ABCC9: variants seen among roughly 807,000 people sequenced by gnomAD.
ABCC9 encodes ATP-binding cassette sub-family C member 9.
A neutral mutation model predicts 188.3 loss-of-function variants in ABCC9; 95 were observed. That is an observed-to-expected ratio of 0.50 (90% CI 0.43 to 0.60). The LOEUF (loss-of-function observed/expected upper bound fraction) is 0.60, where lower values mean the gene tolerates loss of function less well. ABCC9 is among the 20% of genes least tolerant of loss of function. The pLI is 0.00. For missense variants in ABCC9, 1,102 were observed against 1,876.3 expected (o/e 0.59, Z 7.62); for synonymous variants, 659 against 652.7 (o/e 1.01, Z -0.15).
chr12:21,913,350 C>T (rs1196868211), intron 7 of ABCC9, among the ~76,000 whole-genome samples: 1 of 152,112 alleles, frequency 6.6e-6, no homozygotes, highest in Non-Finnish European at 1.5e-5. Flanking sequence ...CAAAGGATGA[C>T]ACAGGATTCT....
chr12:21,875,536 G>T (rs1946298055), intron 17 of ABCC9, 118 bp downstream of exon 17: 7 of 753,320 alleles, frequency 9.3e-6, no homozygotes, highest in Non-Finnish European at 1.6e-5. Flanking sequence ...GTGCAAATAG[G>T]TAATCATAAA....
At chr12:21,892,065 G>A (rs559077330) in intron 14 of ABCC9, among the ~76,000 whole-genome samples, 2 of 152,290 alleles carry the variant, frequency 1.3e-5, no homozygotes, top group South Asian at 4.1e-4. Context: ...ATTCTGTTTG[G>A]CCTATGGCTT....
At chr12:21,831,377 A>G (rs1943751533) in intron 30 of ABCC9, among the ~76,000 whole-genome samples, 1 of 152,074 alleles carries the variant, frequency 6.6e-6, no homozygotes, top group Admixed American at 6.6e-5. Flanking sequence ...GCATTTAGCA[A>G]TCATCCACTC....
chr12:21,802,276 TACAA>T (rs775296259), intron 39 of ABCC9, among the ~76,000 whole-genome samples: 21 of 152,214 alleles, frequency 1.4e-4, no homozygotes, highest in Non-Finnish European at 2.1e-4. Flanking sequence ...GTCTGACATA[TACAA>T]ACAAATAATA....
At chr12:21,841,022 T>C (rs1944355905) in intron 29 of ABCC9, among the ~76,000 whole-genome samples, 1 of 152,256 alleles carries the variant, frequency 6.6e-6, no homozygotes. Context: ...GTATTAGGAT[T>C]ACTTTGTATA....
chr12:21,936,344 C>T (rs1949485955), intron 3 of ABCC9, among the ~76,000 whole-genome samples, 189 bp downstream of exon 3: 1 of 152,064 alleles, frequency 6.6e-6, no homozygotes, highest in African/African-American at 2.4e-5. Context: ...AGCATGTGAC[C>T]TCAATTTCAC....
Position 21,801,015 on chromosome 12 carries a change from A to C in ABCC9, c.*29T>G. The C allele has an allele frequency of 6.2e-7, 1 of 1,613,040 alleles. No homozygotes were observed. ...AATTAGGTTATGACTGCATTATTTT[A>C]AATACATGTATTGTTTTAAGACACT... On this transcript the variant is annotated 3_prime_UTR_variant, in exon 40 of 40. Transcript: ENST00000261200.
chr12:21,828,837 C>A, intron 31 of ABCC9, 121 bp downstream of exon 31: 1 of 821,414 alleles, frequency 1.2e-6, no homozygotes. Flanking sequence ...ATTTTAAAGT[C>A]CAGAAAATGT....
At chr12:21,907,991 T>C in intron 11 of ABCC9, 86 bp downstream of exon 11, 1 of 1,374,852 alleles carries the variant, frequency 7.3e-7, no homozygotes, top group Non-Finnish European at 1.0e-6. Flanking sequence ...AAATTATCTT[T>C]AGTGGTATGT....
At chr12:21,858,732 A>G (rs570435947) in intron 22 of ABCC9, among the ~76,000 whole-genome samples, 10 of 152,302 alleles carry the variant, frequency 6.6e-5, no homozygotes, top group African/African-American at 2.4e-4. Context: ...ATCCCCAATG[A>G]CAGATCCAAA....
intron 39 of ABCC9, among the ~76,000 whole-genome samples, chr12:21,803,775 TG>T (rs1346122171): frequency 6.6e-6 from 1 of 152,100 alleles, no homozygotes; most frequent in Non-Finnish European, 1.5e-5. Flanking sequence ...ATTGTAATTG[TG>T]TTGATAAAAT....
chr12:21,825,267 AT>A (rs1943302800), intron 31 of ABCC9, among the ~76,000 whole-genome samples: 1 of 152,190 alleles, frequency 6.6e-6, no homozygotes, highest in Admixed American at 6.5e-5. Context: ...CAGAAATACC[AT>A]TTGACCCAGC....
intron 24 of ABCC9, among the ~76,000 whole-genome samples, chr12:21,849,143 T>A (rs573105298): frequency 6.6e-6 from 1 of 152,242 alleles, no homozygotes; most frequent in East Asian, 1.9e-4. Flanking sequence ...TTTTGGAATC[T>A]ATGGTAAATT....
At chr12:21,814,370 C>CAAAGTGGGTG in intron 35 of ABCC9, among the ~76,000 whole-genome samples, 1 of 152,286 alleles carries the variant, frequency 6.6e-6, no homozygotes. Context: ...TACTGCTATT[C>CAAAGTGGGTG]AAAGTGGGTG....
intron 3 of ABCC9, 66 bp from the exon 4 acceptor site, chr12:21,933,989 A>G (rs566159300): frequency 6.3e-7 from 1 of 1,581,748 alleles, no homozygotes; most frequent in East Asian, 2.2e-5. Flanking sequence ...AATAAACATA[A>G]TTTAAATTAT....
intron 5 of ABCC9, chr12:21,925,416 G>T: frequency 1.5e-6 from 1 of 679,646 alleles, no homozygotes; most frequent in South Asian, 1.6e-5. Context: ...TGCTCCTCAG[G>T]ACAGCATACT....
rs376495136 is a variant in ABCC9 at position 21,895,569 on chromosome 12, C to T, written c.1619-254G>A. On this transcript the variant is annotated intron_variant, in intron 12 of 39. Transcript: ENST00000261200. Reference sequence around the variant, plus strand: ...TTTTTTTCTTATGAAATGTTACAAACAAAAGAATCCATATAAAATCATCCT... The same window carrying T: ...TTTTTTTCTTATGAAATGTTACAAATAAAAGAATCCATATAAAATCATCCT... 2.6e-5 allele frequency among the ~76,000 whole-genome samples: 4 copies of T among 152,004 alleles called. No homozygotes were observed. The East Asian group carries it at 7.7e-4, about 29-fold the overall frequency.
intron 14 of ABCC9, among the ~76,000 whole-genome samples, chr12:21,891,638 C>T (rs1169869076): frequency 6.6e-6 from 1 of 152,168 alleles, no homozygotes; most frequent in African/African-American, 2.4e-5. Flanking sequence ...ATGGAATTCT[C>T]CTCCGGTAGA....
intron 39 of ABCC9, chr12:21,805,138 G>T (rs1274176499): frequency 6.2e-7 from 1 of 1,613,616 alleles, no homozygotes. Flanking sequence ...ATAACTACCG[G>T]AGAATGACAG....
Sources: allele counts gnomAD v4.1 joint callset (sites outside exome capture counted in the v4.1 genomes callset), GRCh38; gene constraint gnomAD v4.1.1; transcripts MANE v1.5; gene names NCBI Gene and HGNC (gene_info 2026-07-23, HGNC 2026-07-21).